The following ADARB1 variants were observed in gnomAD, a reference collection of about 807,000 sequenced individuals.
The protein encoded by ADARB1 is double-stranded RNA-specific editase 1.
In ADARB1, 10 loss-of-function variants were observed where a neutral mutation model predicts 52.4. That is an observed-to-expected ratio of 0.19 (90% CI 0.12 to 0.32). The LOEUF (loss-of-function observed/expected upper bound fraction) is 0.32. ADARB1 is among the 10% of genes least tolerant of loss of function. The pLI is 1.00. For synonymous variants in ADARB1, 349 were observed against 371.1 expected (o/e 0.94, Z 0.68); for missense variants, 643 against 922.3 (o/e 0.70, Z 3.92).
rs2091711396 is a variant in ADARB1 at position 45,176,770 on chromosome 21, C to T, written c.963+106C>T. 1 of 1,226,406 alleles carries T rather than the reference C, an allele frequency of 8.2e-7. No individual in the cohort carries two copies. The highest frequency in any genetic ancestry group is 1.1e-6 in the Non-Finnish European group (1 of 898,462). The allele number at this position is 1,226,406 out of a possible 1,614,324, so 76.0% of individuals were successfully genotyped here. A position where few individuals can be genotyped will look rare whatever the true frequency, so the allele number is the denominator to read the frequency against. ...TACTGTTGACTTTCCACCTTGACATCACTCTGTCCCCACCAGGAGGAGTTA... is the reference window on the plus strand; with the variant it reads ...TACTGTTGACTTTCCACCTTGACATTACTCTGTCCCCACCAGGAGGAGTTA... On this transcript the variant is annotated intron_variant, in intron 4 of 10. Coordinates refer to ENST00000348831, the MANE Select transcript of ADARB1 (RefSeq NM_001112.4). This position sits in a 1 kb window ranked among gnomAD's most constrained non-coding sequence, Gnocchi z 5.8.
chr21:45,104,658 G>T (rs2087168810), intron 1 of ADARB1, among the ~76,000 whole-genome samples: 1 of 152,252 alleles, frequency 6.6e-6, no homozygotes. Context: ...ACATAGCATT[G>T]CTGGGCCCCT....
At chr21:45,118,896 TC>T (rs1400135482) in intron 1 of ADARB1, among the ~76,000 whole-genome samples, 1 of 152,214 alleles carries the variant, frequency 6.6e-6, no homozygotes, top group Non-Finnish European at 1.5e-5. Flanking sequence ...CAACCTGCTT[TC>T]GTCTGCCTTA....
chr21:45,178,125 G>C (rs148051596), intron 4 of ADARB1, among the ~76,000 whole-genome samples: 2 of 152,188 alleles, frequency 1.3e-5, no homozygotes, highest in African/African-American at 4.8e-5. Flanking sequence ...ATCAAATGCC[G>C]TGGATCCCAG....
intron 2 of ADARB1, among the ~76,000 whole-genome samples, chr21:45,158,234 G>C (rs571233005): frequency 1.3e-5 from 2 of 152,168 alleles, no homozygotes; most frequent in African/African-American, 4.8e-5. Flanking sequence ...GATTCTTCTC[G>C]GGTTGGGGCG....
chr21:45,184,100 T>C (rs1286349538), intron 7 of ADARB1, among the ~76,000 whole-genome samples: 4 of 152,206 alleles, frequency 2.6e-5, no homozygotes, highest in African/African-American at 4.8e-5. Context: ...CTGTGGAAAA[T>C]TGCTAACTAT....
intron 1 of ADARB1, among the ~76,000 whole-genome samples, chr21:45,083,222 C>G (rs1423772553): frequency 2.0e-5 from 3 of 152,218 alleles, no homozygotes; most frequent in Non-Finnish European, 2.9e-5. Flanking sequence ...CTTTAACTTA[C>G]TTTTTCTGTT....
chr21:45,140,257 A>C (rs958702769), intron 2 of ADARB1, among the ~76,000 whole-genome samples: 3 of 152,186 alleles, frequency 2.0e-5, no homozygotes, highest in Non-Finnish European at 4.4e-5. Flanking sequence ...AATGTATGCC[A>C]GTGCCACACC....
intron 1 of ADARB1, among the ~76,000 whole-genome samples, chr21:45,110,171 ACT>A (rs1266874680): frequency 6.6e-6 from 1 of 151,974 alleles, no homozygotes; most frequent in African/African-American, 2.4e-5. Flanking sequence ...AAAATGTGAG[ACT>A]CTTTCCTCTG....
intron 2 of ADARB1, among the ~76,000 whole-genome samples, chr21:45,150,073 C>T (rs1241586586): frequency 1.3e-5 from 2 of 152,224 alleles, no homozygotes; most frequent in Non-Finnish European, 2.9e-5. Context: ...CACCTGAGGT[C>T]GGGAGTTCGA....
intron 1 of ADARB1, among the ~76,000 whole-genome samples, chr21:45,106,608 C>T (rs1569013269): frequency 6.6e-6 from 1 of 152,214 alleles, no homozygotes; most frequent in African/African-American, 2.4e-5. Flanking sequence ...AAATATTTAG[C>T]TCACTTTACT....
intron 3 of ADARB1, among the ~76,000 whole-genome samples, chr21:45,174,326 C>T (rs974259420): frequency 2.6e-5 from 4 of 152,186 alleles, no homozygotes; most frequent in African/African-American, 7.2e-5. Context: ...CATGTGACAG[C>T]TGCCTAGCCA....
At chr21:45,165,440 G>A (rs1289299010) in intron 2 of ADARB1, among the ~76,000 whole-genome samples, 2 of 152,040 alleles carry the variant, frequency 1.3e-5, no homozygotes, top group Non-Finnish European at 2.9e-5. Flanking sequence ...TGAAAATTAG[G>A]CACAAATCTT....
At chr21:45,081,494 G>C (rs766878354) in intron 1 of ADARB1, among the ~76,000 whole-genome samples, 1 of 152,212 alleles carries the variant, frequency 6.6e-6, no homozygotes, top group Non-Finnish European at 1.5e-5. Flanking sequence ...AGTGTTCTGA[G>C]CACCTTTTAG....
chr21:45,130,323 A>G (rs2088851778), intron 2 of ADARB1, among the ~76,000 whole-genome samples: 1 of 152,254 alleles, frequency 6.6e-6, no homozygotes, highest in African/African-American at 2.4e-5. Context: ...CCTTTGCACC[A>G]ATAAATTGTT....
intron 1 of ADARB1, among the ~76,000 whole-genome samples, chr21:45,102,193 A>G (rs945887410): frequency 7.9e-5 from 12 of 152,174 alleles, no homozygotes; most frequent in Admixed American, 2.6e-4. Context: ...TGCCTGGCCA[A>G]TGTGCTTATT....
intron 1 of ADARB1, among the ~76,000 whole-genome samples, chr21:45,081,365 T>C (rs1357351871): frequency 6.6e-6 from 1 of 152,234 alleles, no homozygotes; most frequent in Admixed American, 6.5e-5. Flanking sequence ...GTGGTACCCA[T>C]ACAGTCATTC....
chr21:45,181,677 T>A (rs544066838), intron 5 of ADARB1, among the ~76,000 whole-genome samples: 46 of 152,358 alleles, frequency 3.0e-4, no homozygotes, highest in African/African-American at 1.1e-3. Context: ...AGTGTGTATT[T>A]CACCTGAGAC....
chr21:45,222,778 T>A lies in ADARB1; in HGVS notation c.*581T>A. On this transcript the variant is annotated 3_prime_UTR_variant, in exon 11 of 11. Transcript: ENST00000348831. ...CTCCGTAGGTACCTCCCTGGGTAGT[T>A]CCACACACTAGGTTGTAACAGTCTC... is the stretch of plus-strand genomic sequence containing the variant. 1.0e-6 allele frequency: 1 copy of A among 985,714 alleles called. No individual in the cohort carries two copies. Among genetic ancestry groups the A allele is most frequent in the South Asian group, 4.7e-5 (1 of 21,294 alleles). 61.1% of individuals were successfully genotyped at this position (985,714 alleles called of 1,614,324 possible). A position where few individuals can be genotyped will look rare whatever the true frequency, so the allele number is the denominator to read the frequency against.
chr21:45,184,658 C>G, intron 7 of ADARB1: 1 of 351,014 alleles, frequency 2.8e-6, no homozygotes, highest in Non-Finnish European at 5.4e-6. Context: ...ACCATGTTGC[C>G]CAGGCTGGTC....
Sources: allele counts gnomAD v4.1 joint callset (sites outside exome capture counted in the v4.1 genomes callset), GRCh38; gene constraint gnomAD v4.1.1; non-coding constraint Gnocchi (gnomAD v3.1); transcripts MANE v1.5; gene names NCBI Gene and HGNC (gene_info 2026-07-23, HGNC 2026-07-21).